The following BRINP1 variants were observed in gnomAD, a reference collection of about 807,000 sequenced individuals.
BRINP1 encodes the protein BMP/retinoic acid inducible neural specific 1.
BRINP1 carries 17 observed loss-of-function variants against 72.9 expected under a neutral mutation model. The ratio of observed to expected loss-of-function variants is 0.23; its 90% CI spans 0.16 to 0.35. The LOEUF (loss-of-function observed/expected upper bound fraction) is 0.35. Among genes scored for constraint, BRINP1 ranks in the 10% least tolerant of loss-of-function variants. BRINP1 has a pLI of 1.00. For synonymous variants in BRINP1, 418 were observed against 378.5 expected (o/e 1.10, Z -1.21); for missense variants, 850 against 1,001.6 (o/e 0.85, Z 2.04).
intron 1 of BRINP1, among the ~76,000 whole-genome samples, chr9:119,316,351 G>T (rs961723318): frequency 4.6e-5 from 7 of 152,184 alleles, no homozygotes; most frequent in African/African-American, 7.2e-5. Flanking sequence ...GCCTCCCAAA[G>T]TGCTGGGATT....
intron 2 of BRINP1, among the ~76,000 whole-genome samples, chr9:119,267,561 A>C (rs989080862): frequency 5.9e-5 from 9 of 151,398 alleles, no homozygotes; most frequent in Non-Finnish European, 1.0e-4. Flanking sequence ...GCTTGAACCC[A>C]GGAGGCAGAG....
At chr9:119,277,767 T>C (rs1226643063) in intron 2 of BRINP1, among the ~76,000 whole-genome samples, 2 of 152,194 alleles carry the variant, frequency 1.3e-5, no homozygotes, top group Non-Finnish European at 2.9e-5. Flanking sequence ...CTCCTTGAGA[T>C]GTAAACATAT....
intron 2 of BRINP1, among the ~76,000 whole-genome samples, chr9:119,265,829 C>T (rs1027050408): frequency 6.6e-6 from 1 of 151,990 alleles, no homozygotes; most frequent in African/African-American, 2.4e-5. Flanking sequence ...ATTTTGCCAC[C>T]CAGGTAATAA....
intron 7 of BRINP1, among the ~76,000 whole-genome samples, chr9:119,176,672 A>G (rs1188634911): frequency 1.3e-5 from 2 of 152,204 alleles, no homozygotes; most frequent in Non-Finnish European, 2.9e-5. Flanking sequence ...AGAGCCTGGC[A>G]CAGAGCAATT....
In BRINP1 at chr9:119,368,696, C is replaced by T. The variant is rs1300899642; in HGVS notation, c.-51+360G>A. On this transcript the variant is annotated intron_variant, in intron 1 of 7. Coordinates refer to ENST00000265922, the MANE Select transcript of BRINP1 (RefSeq NM_014618.3). This position sits in a 1 kb window ranked among gnomAD's most constrained non-coding sequence, Gnocchi z 4.7. ...GTTATAGGACCTCTCTCTCTTCACC[C>T]CTCCCTTACACACACGGACACACAC... Among the ~76,000 whole-genome samples, 2 of 152,074 alleles carry T rather than the reference C, an allele frequency of 1.3e-5. No homozygotes were observed. Among genetic ancestry groups the T allele is most frequent in the Non-Finnish European group, 2.9e-5 (2 of 68,000 alleles).
intron 1 of BRINP1, among the ~76,000 whole-genome samples, chr9:119,327,134 G>A (rs925138971): frequency 1.3e-5 from 2 of 152,226 alleles, no homozygotes; most frequent in South Asian, 4.2e-4. Context: ...AGTTTCTTGG[G>A]GACCAAGATT....
Position 119,249,082 on chromosome 9 carries a change from G to A in BRINP1, c.287C>T (p.Pro96Leu). The change falls in exon 3 of 8, where the codon CCC (proline) becomes CTC (leucine). Residue 96 changes from proline to leucine, a missense_variant. Pro to Leu is a moderately conservative substitution (Grantham distance 98, BLOSUM62 -3). Transcript: ENST00000265922. ...ERRDLVRHPV[P>L]LMPEFQRSIR... is the part of the protein sequence containing the mutation. ...GCTCCTTTGAAACTCCGGCATGAGG[G>A]GCACTGGATGGCGGACCAGATCTCT... 5.0e-6 allele frequency: 8 copies of A among 1,614,074 alleles called. No homozygotes were observed. The highest frequency in any genetic ancestry group is 1.1e-5 in the South Asian group (1 of 91,060).
intron 1 of BRINP1, among the ~76,000 whole-genome samples, chr9:119,332,986 C>T (rs544981014): frequency 6.6e-6 from 1 of 152,230 alleles, no homozygotes; most frequent in Admixed American, 6.5e-5. Context: ...AGCAAAGTAA[C>T]TTGTTCAAAG....
intron 1 of BRINP1, among the ~76,000 whole-genome samples, chr9:119,322,521 G>A (rs772022362): frequency 5.9e-5 from 9 of 152,282 alleles, no homozygotes; most frequent in East Asian, 1.9e-4. Flanking sequence ...TTCCAGCAGC[G>A]CTGTTACCAA....
chr9:119,283,856 G>A (rs1830735511), intron 2 of BRINP1, among the ~76,000 whole-genome samples: 1 of 152,094 alleles, frequency 6.6e-6, no homozygotes, highest in Non-Finnish European at 1.5e-5. Context: ...CTTAACACAA[G>A]TACCATACCG....
At chr9:119,268,282 AG>A (rs1830573341) in intron 2 of BRINP1, among the ~76,000 whole-genome samples, 1 of 150,086 alleles carries the variant, frequency 6.7e-6, no homozygotes, top group Non-Finnish European at 1.5e-5. Context: ...ATAGATAGAT[AG>A]ATAGATAGAT....
Position 119,219,838 on chromosome 9 carries a change from G to T in BRINP1, c.686-5683C>A, listed in dbSNP as rs80304965. Among the ~76,000 whole-genome samples the T allele has an allele frequency of 4.2e-3, 633 of 152,212 alleles. 26 individuals are homozygous for T. In the East Asian group the frequency reaches 0.081, roughly 19 times the overall value. ...TTAAAAGCACTCTCCACTCTCCTAG[G>T]GGGTAGCATTTAAGCTGAGACCTAA... On this transcript the variant is annotated intron_variant, in intron 5 of 7. Transcript: ENST00000265922.
chr9:119,256,854 G>T (rs553353833), intron 2 of BRINP1, among the ~76,000 whole-genome samples: 19 of 152,160 alleles, frequency 1.2e-4, no homozygotes, highest in African/African-American at 4.6e-4. Context: ...TAAGTGGAGG[G>T]TTCTTTTACT....
chr9:119,325,686 C>A (rs1831232558), intron 1 of BRINP1, among the ~76,000 whole-genome samples: 1 of 152,214 alleles, frequency 6.6e-6, no homozygotes, highest in South Asian at 2.1e-4. Flanking sequence ...CCACCTCCAT[C>A]CTAAGCCCTT....
At chr9:119,175,094 G>T (rs1829466399) in intron 7 of BRINP1, among the ~76,000 whole-genome samples, 1 of 124,600 alleles carries the variant, frequency 8.0e-6, no homozygotes, top group Non-Finnish European at 1.6e-5. Flanking sequence ...ATGTGCACAT[G>T]TACCCTAAAA....
intron 1 of BRINP1, among the ~76,000 whole-genome samples, chr9:119,322,786 G>C (rs1782729171): frequency 6.6e-6 from 1 of 152,178 alleles, no homozygotes; most frequent in South Asian, 2.1e-4. Flanking sequence ...TCAAAGCTGA[G>C]TGACCTTGGG....
intron 7 of BRINP1, among the ~76,000 whole-genome samples, chr9:119,195,547 A>T (rs1225546414): frequency 6.6e-6 from 1 of 152,214 alleles, no homozygotes; most frequent in Non-Finnish European, 1.5e-5. Flanking sequence ...AGTAATCTAT[A>T]CATAAGGTAT....
In BRINP1 at chr9:119,167,046, T is replaced by C. The variant is rs928756454; in HGVS notation, c.*38A>G. The C allele has an allele frequency of 3.2e-6, 5 of 1,549,192 alleles. No homozygotes were observed. The highest frequency in any genetic ancestry group is 1.2e-5 in the South Asian group (1 of 80,772). Reference sequence around the variant, plus strand: ...GCTTCATTTTGTTCTGTTGTGTGTGTACAACAACAGGAAAAGTCCATGGCA... The same window carrying C: ...GCTTCATTTTGTTCTGTTGTGTGTGCACAACAACAGGAAAAGTCCATGGCA... On this transcript the variant is annotated 3_prime_UTR_variant, in exon 8 of 8. Transcript: ENST00000265922. This position sits in a 1 kb window ranked among gnomAD's most constrained non-coding sequence, Gnocchi z 4.3.
chr9:119,345,379 T>C (rs1282623640), intron 1 of BRINP1, among the ~76,000 whole-genome samples: 2 of 152,212 alleles, frequency 1.3e-5, no homozygotes, highest in African/African-American at 2.4e-5. Context: ...AAAAGAATGC[T>C]CTATTAGCTG....
Sources: allele counts gnomAD v4.1 joint callset (sites outside exome capture counted in the v4.1 genomes callset), GRCh38; gene constraint gnomAD v4.1.1; non-coding constraint Gnocchi (gnomAD v3.1); transcripts MANE v1.5; gene names NCBI Gene and HGNC (gene_info 2026-07-23, HGNC 2026-07-21).